Variants in KCTD16 observed in about 807,000 individuals in gnomAD.
KCTD16 encodes BTB/POZ domain-containing protein KCTD16.
A neutral mutation model predicts 33.2 loss-of-function variants in KCTD16; 13 were observed. The observed-to-expected ratio is 0.39, with a 90% CI of 0.25 to 0.62. The LOEUF is 0.62. Among genes scored for constraint, KCTD16 ranks in the 20% least tolerant of loss-of-function variants. The pLI is 0.50. For missense variants in KCTD16, 441 were observed against 525.1 expected, an observed-to-expected ratio of 0.84 and a Z score of 1.57; for synonymous variants, 197 against 195.3, an observed-to-expected ratio of 1.01 and a Z score of -0.07.
In KCTD16 at chr5:144,482,996, A is replaced by G. The variant is rs780799438; in HGVS notation, c.*8882A>G. 1 of 151,732 alleles carries G rather than the reference A, an allele frequency of 6.6e-6. No individual in the cohort carries two copies. The highest frequency in any genetic ancestry group is 1.5e-5 in the Non-Finnish European group (1 of 67,868). 9.4% of individuals were successfully genotyped at this position (151,732 alleles called of 1,614,324 possible). On this transcript the variant is annotated 3_prime_UTR_variant, in exon 4 of 4. Transcript: ENST00000512467. ...ATTTATTTATGGTGCCGAGAACATT[A>G]ACAAAATATTTAGATTTAATATCTA...
At chr5:144,271,744 C>A (rs1306210298) in intron 3 of KCTD16, among the ~76,000 whole-genome samples, 3 of 148,188 alleles carry the variant, frequency 2.0e-5, no homozygotes, top group African/African-American at 5.0e-5. Context: ...TCTGGTATGT[C>A]TAAAAGACTA....
At chr5:144,398,013 T>G (rs181644849) in intron 3 of KCTD16, among the ~76,000 whole-genome samples, 101 of 152,306 alleles carry the variant, frequency 6.6e-4, no homozygotes, top group African/African-American at 2.3e-3. Flanking sequence ...CTAGCAGCTG[T>G]TTGTGTCCCC....
At chr5:144,435,801 TTGTG>T (rs56793696) in intron 3 of KCTD16, among the ~76,000 whole-genome samples, 3 of 151,344 alleles carry the variant, frequency 2.0e-5, no homozygotes, top group South Asian at 2.1e-4. Context: ...TTTGTGTGCT[TTGTG>T]TGTGTGTGTG....
chr5:144,329,014 G>A (rs1752285591), intron 3 of KCTD16, among the ~76,000 whole-genome samples: 1 of 151,968 alleles, frequency 6.6e-6, no homozygotes, highest in Non-Finnish European at 1.5e-5. Context: ...CTATATCCCA[G>A]GCTTGAGACT....
chr5:144,241,137 C>G (rs984460404), intron 3 of KCTD16, among the ~76,000 whole-genome samples: 1 of 152,048 alleles, frequency 6.6e-6, no homozygotes, highest in Non-Finnish European at 1.5e-5. Flanking sequence ...TAAACTCACT[C>G]GAAGTGTCTT....
At chr5:144,374,786 T>A (rs1424706329) in intron 3 of KCTD16, among the ~76,000 whole-genome samples, 1 of 152,158 alleles carries the variant, frequency 6.6e-6, no homozygotes, top group African/African-American at 2.4e-5. Flanking sequence ...TAAGCTAACA[T>A]GCATGATATG....
At chr5:144,180,301 T>C (rs1270236107) in intron 2 of KCTD16, among the ~76,000 whole-genome samples, 1 of 152,192 alleles carries the variant, frequency 6.6e-6, no homozygotes, top group Non-Finnish European at 1.5e-5. Context: ...TTTTATTTTG[T>C]TCAGGGCAAG....
intron 3 of KCTD16, among the ~76,000 whole-genome samples, chr5:144,362,841 G>C (rs1251439331): frequency 6.6e-6 from 1 of 152,124 alleles, no homozygotes; most frequent in Non-Finnish European, 1.5e-5. Flanking sequence ...CCCAGCCTCA[G>C]CTTCCTTATC....
At chr5:144,458,213 G>A (rs1397840575) in intron 3 of KCTD16, among the ~76,000 whole-genome samples, 1 of 152,166 alleles carries the variant, frequency 6.6e-6, no homozygotes, top group Non-Finnish European at 1.5e-5. Flanking sequence ...GGCAGGTACT[G>A]CTATTGCCCC....
chr5:144,376,642 C>T (rs1752100275), intron 3 of KCTD16, among the ~76,000 whole-genome samples: 1 of 152,116 alleles, frequency 6.6e-6, no homozygotes, highest in South Asian at 2.1e-4. Context: ...CGTCATATGT[C>T]ATATTTTTCC....
chr5:144,346,299 G>T (rs1172189050), intron 3 of KCTD16, among the ~76,000 whole-genome samples: 1 of 152,090 alleles, frequency 6.6e-6, no homozygotes, highest in Non-Finnish European at 1.5e-5. Context: ...GGTATTGAAA[G>T]CAGTGCTGTA....
At chr5:144,441,113 T>C (rs1753697377) in intron 3 of KCTD16, among the ~76,000 whole-genome samples, 1 of 152,184 alleles carries the variant, frequency 6.6e-6, no homozygotes, top group Non-Finnish European at 1.5e-5. Context: ...CATTGGGTTA[T>C]CTATGTTTTT....
chr5:144,195,189 A>G (rs759760847), intron 2 of KCTD16, among the ~76,000 whole-genome samples: 1 of 152,194 alleles, frequency 6.6e-6, no homozygotes, highest in Non-Finnish European at 1.5e-5. Context: ...CCCTGTTAGC[A>G]TGGGGGAATC....
At chr5:144,436,741 C>A (rs1454250492) in intron 3 of KCTD16, among the ~76,000 whole-genome samples, 1 of 151,878 alleles carries the variant, frequency 6.6e-6, no homozygotes, top group Non-Finnish European at 1.5e-5. Context: ...GAGCATGCCG[C>A]CACGCCCAGC....
intron 3 of KCTD16, among the ~76,000 whole-genome samples, chr5:144,311,466 G>A (rs10058855): frequency 0.05 from 7,624 of 152,118 alleles, 660 homozygotes; most frequent in African/African-American, 0.17. Context: ...TGCTGAAAAC[G>A]TAATTAGAAA....
chr5:144,266,027 T>G (rs1755133353), intron 3 of KCTD16, among the ~76,000 whole-genome samples: 1 of 152,012 alleles, frequency 6.6e-6, no homozygotes, highest in Non-Finnish European at 1.5e-5. Context: ...ATATTAACAT[T>G]ACTTTTAAAA....
At chr5:144,175,928 T>C (rs1752496946) in intron 2 of KCTD16, among the ~76,000 whole-genome samples, 1 of 152,210 alleles carries the variant, frequency 6.6e-6, no homozygotes, top group African/African-American at 2.4e-5. Context: ...GCTAACTACT[T>C]CTAAGATCAA....
At chr5:144,463,252 G>T (rs958729116) in intron 3 of KCTD16, among the ~76,000 whole-genome samples, 1 of 152,102 alleles carries the variant, frequency 6.6e-6, no homozygotes, top group Admixed American at 6.6e-5. Flanking sequence ...ATGAAGGTGG[G>T]TTCTGAGTAG....
intron 3 of KCTD16, among the ~76,000 whole-genome samples, chr5:144,374,130 G>T (rs1752034486): frequency 6.6e-6 from 1 of 152,154 alleles, no homozygotes; most frequent in South Asian, 2.1e-4. Flanking sequence ...GCTATGTAAG[G>T]CAACATATTC....
Sources: gnomAD v4.1 joint callset for allele counts (sites outside exome capture counted in the v4.1 genomes callset) on GRCh38, gnomAD v4.1.1 for gene constraint, MANE v1.5 for transcripts, NCBI Gene and HGNC (gene_info 2026-07-23, HGNC 2026-07-21) for gene names.